AARS2: variants seen among roughly 807,000 people sequenced by gnomAD.
AARS2 encodes the protein alanyl-tRNA synthetase 2, mitochondrial, also known as alanine--tRNA ligase, mitochondrial.
AARS2 carries 78 observed loss-of-function variants against 119.7 expected under a neutral mutation model. That is an observed-to-expected ratio of 0.65 (90% CI 0.54 to 0.79). The LOEUF is 0.79. AARS2 is among the 30% of genes least tolerant of loss of function. The pLI, the probability that AARS2 is intolerant of heterozygous loss-of-function variation, is 0.00. For synonymous variants in AARS2, 502 were observed against 526.3 expected (o/e 0.95, Z 0.63); for missense variants, 1,157 against 1,291.3 (o/e 0.90, Z 1.59).
Position 44,303,280 on chromosome 6 carries a change from ACT to A in AARS2, c.2145+4_2145+5del. ...GATCTCCAGCAAAAGGGCTTCCCCA[ACT>A]CACCTCATCCAGAGAGCGCAGGCCA... On this transcript the variant is annotated splice_donor_5th_base_variant and intron_variant, in intron 15 of 21. Coordinates refer to ENST00000244571, the MANE Select transcript of AARS2 (RefSeq NM_020745.4). 6.2e-7 allele frequency: 1 copy of A among 1,614,112 alleles called. No individual in the cohort carries two copies. The highest frequency in any genetic ancestry group is 1.3e-5 in the African/African-American group (1 of 75,048).
In AARS2 at chr6:44,303,334, C is replaced by A. The variant is rs779714788; in HGVS notation, c.2097G>T (p.Val699=). ...GQDEAVYMEE[V]PLALTAQVPG... ...GGACCTGGGCAGTGAGCGCCAGGGG[C>A]ACCTCCTCCATGTACACAGCCTCAT... The change falls in exon 15 of 22, where the codon GTG becomes GTT. Residue 699 remains valine (V), a synonymous_variant. Transcript: ENST00000244571. The A allele has an allele frequency of 2.3e-5, 37 of 1,613,930 alleles. No individual in the cohort carries two copies. The highest frequency in any genetic ancestry group is 3.0e-5 in the Non-Finnish European group (35 of 1,180,034).
intron 1 of AARS2, 72 bp downstream of exon 1, chr6:44,313,009 C>T (rs1416156056): frequency 7.5e-6 from 12 of 1,598,462 alleles, no homozygotes; most frequent in Non-Finnish European, 1.0e-5. Flanking sequence ...CTTCTTTTGC[C>T]CAATCCTGCA....
chr6:44,307,460 C>T lies in AARS2; in HGVS notation c.895-66G>A, dbSNP rs1240175918. 5 of 1,538,416 alleles carry T rather than the reference C, an allele frequency of 3.3e-6. No homozygotes were observed. The Admixed American group carries it at 5.9e-5, about 18-fold the overall frequency. On this transcript the variant is annotated intron_variant, in intron 5 of 21. Transcript: ENST00000244571. The surrounding 1 kb of genome is among the most constrained non-coding windows in gnomAD (Gnocchi z 4.4). The stretch of plus-strand genomic sequence containing the variant: ...GGCCCAGGTGGGTGCTCTTTATCGC[C>T]TCTAGAGCATCTGCCCTCAGCCCTA...
intron 5 of AARS2, among the ~76,000 whole-genome samples, chr6:44,308,698 C>G (rs1355448581): frequency 2.0e-5 from 3 of 152,086 alleles, no homozygotes; most frequent in Non-Finnish European, 4.4e-5. Context: ...CTCCTGGGTT[C>G]AAGAGATTCT....
chr6:44,304,934 A>G, intron 11 of AARS2, 117 bp from the exon 12 acceptor site: 7 of 1,605,452 alleles, frequency 4.4e-6, no homozygotes, highest in Non-Finnish European at 6.0e-6. Context: ...GCTGGGGGCC[A>G]CAGAGACCCC....
Position 44,299,165 on chromosome 6 carries a change from T to G in AARS2, c.*1382A>C, listed in dbSNP as rs570508703. ...CTCACCTCCCAGCTCCCTGCTCACA[T>G]GTCACCTCTTGGTGAGGGAATATCA... On this transcript the variant is annotated 3_prime_UTR_variant, in exon 22 of 22. Transcript: ENST00000244571. 3.3e-5 allele frequency among the ~76,000 whole-genome samples: 5 copies of G among 152,248 alleles called. No homozygotes were observed. In the South Asian group the frequency reaches 1.0e-3, roughly 32 times the overall value.
At position 44,312,236 on chromosome 6, in the gene AARS2, C is replaced by T. The variant is rs1481336488; in HGVS notation, c.271G>A (p.Asp91Asn). 1.2e-6 allele frequency: 2 copies of T among 1,613,788 alleles called. No homozygotes were observed. The highest frequency in any genetic ancestry group is 1.3e-5 in the African/African-American group (1 of 74,928). Residue 91 changes from aspartate (D) to asparagine (N), a missense_variant, in exon 2 of 22, where the codon GAT (aspartate) becomes AAT (asparagine). Physicochemically the swap from Asp to Asn is conservative, Grantham distance 23. Coordinates refer to ENST00000244571, the MANE Select transcript of AARS2 (RefSeq NM_020745.4). ...AAGCCTGCCATCTCGCTTCGTGGAT[C>T]CACGGTGCCCAGAAAGATTGGCTTG... ...QFKPIFLGTV[D>N]PRSEMAGFRR... is the part of the protein sequence containing the mutation.
chr6:44,311,972 C>T lies in AARS2; in HGVS notation c.435+100G>A, dbSNP rs1786397649. 20 of 1,436,166 alleles carry T rather than the reference C, an allele frequency of 1.4e-5. No homozygotes were observed. In the South Asian group the frequency reaches 2.3e-4, roughly 17 times the overall value. The allele number at this position is 1,436,166 out of a possible 1,614,324, so 89.0% of individuals were successfully genotyped here. On this transcript the variant is annotated intron_variant, in intron 2 of 21. Transcript: ENST00000244571. ...TTACACCGGCTCAACTAGCACTTTGCCTCCACATCTGGTATGAGGCCCTGC... is the reference window on the plus strand; with the variant it reads ...TTACACCGGCTCAACTAGCACTTTGTCTCCACATCTGGTATGAGGCCCTGC...
chr6:44,311,627 C>A (rs36117074), intron 2 of AARS2, 92 bp from the exon 3 acceptor site: 1 of 1,457,058 alleles, frequency 6.9e-7, no homozygotes. Flanking sequence ...TAGCTCCCGA[C>A]TTAAGACAAA....
intron 18 of AARS2, 49 bp from the exon 19 acceptor site, chr6:44,302,219 C>G: frequency 6.2e-7 from 1 of 1,612,252 alleles, no homozygotes; most frequent in South Asian, 1.1e-5. Context: ...GAGCCATAGT[C>G]TCTGAGGTAG....
At position 44,303,079 on chromosome 6, in the gene AARS2, G is replaced by A; in HGVS notation, c.2242C>T (p.Leu748=). 1 of 1,614,106 alleles carries A rather than the reference G, an allele frequency of 6.2e-7. No homozygotes were observed. The highest frequency in any genetic ancestry group is 1.3e-5 in the African/African-American group (1 of 75,062). The change falls in exon 16 of 22, where the codon CTA becomes TTA. Residue 748 remains leucine, a synonymous_variant. Transcript: ENST00000244571. ...GGAGTGACTCACGTCCCACAGCATA[G>A]CTCCACAGAGGTCTGCAGTGCGGCT... ...SQAALQTSVE[L]CCGTHLLRTG...
Position 44,307,683 on chromosome 6 carries a change from C to T in AARS2, c.895-289G>A, listed in dbSNP as rs897757993. Reference sequence around the variant, plus strand: ...ACATGGCCTCGAATCCCCAAAACAGCCCATTCCAGGAGGTATTAGCATGCT... The same window carrying T: ...ACATGGCCTCGAATCCCCAAAACAGTCCATTCCAGGAGGTATTAGCATGCT... On this transcript the variant is annotated intron_variant, in intron 5 of 21. Transcript: ENST00000244571. The surrounding 1 kb of genome is among the most constrained non-coding windows in gnomAD (Gnocchi z 4.4). The T allele has an allele frequency of 1.4e-5, 7 of 509,632 alleles. No homozygotes were observed. In the East Asian group the frequency reaches 1.4e-4, roughly 10 times the overall value. 31.6% of individuals were successfully genotyped at this position (509,632 alleles called of 1,614,324 possible). A position where few individuals can be genotyped will look rare whatever the true frequency, so the allele number is the denominator to read the frequency against.
intron 4 of AARS2, 116 bp from the exon 5 acceptor site, chr6:44,310,559 C>T: frequency 7.3e-7 from 1 of 1,368,316 alleles, no homozygotes; most frequent in South Asian, 1.2e-5. Flanking sequence ...GTGGGAGGAA[C>T]CAGACAATCA....
At chr6:44,311,321 G>A (rs774594493) in intron 3 of AARS2, 69 bp downstream of exon 3, 2 of 1,610,014 alleles carry the variant, frequency 1.2e-6, no homozygotes, top group Non-Finnish European at 1.7e-6. Context: ...CTGAGGATTG[G>A]TGCTGGTAGT....
At chr6:44,311,240 C>T in intron 3 of AARS2, 79 bp from the exon 4 acceptor site, 1 of 1,604,122 alleles carries the variant, frequency 6.2e-7, no homozygotes, top group South Asian at 1.1e-5. Context: ...GAGCCCCTCC[C>T]TCAAGTCACA....
intron 21 of AARS2, chr6:44,300,921 C>A (rs1345650041): frequency 1.3e-6 from 1 of 742,274 alleles, no homozygotes; most frequent in Non-Finnish European, 2.3e-6. Flanking sequence ...TACTTGTTTA[C>A]AAGGGATGTG....
At chr6:44,303,246 G>A in intron 15 of AARS2, 40 bp downstream of exon 15, 1 of 1,614,072 alleles carries the variant, frequency 6.2e-7, no homozygotes, top group Non-Finnish European at 8.5e-7. Context: ...ATGCCTGAAG[G>A]AGGCCCCCGA....
chr6:44,302,897 T>C lies in AARS2; in HGVS notation c.2269A>G (p.Thr757Ala), dbSNP rs1785479390. ...ATAACCAGGTCCCCTACAGCCCCAGTACGTAACAGGTGCCTGTGGGAGGAA... is the reference window on the plus strand; with the variant it reads ...ATAACCAGGTCCCCTACAGCCCCAGCACGTAACAGGTGCCTGTGGGAGGAA... Reference protein sequence around the residue: ...ELCCGTHLLRTGAVGDLVIIG... With the variant: ...ELCCGTHLLRAGAVGDLVIIG... The change falls in exon 17 of 22, where the codon ACT becomes GCT. Residue 757 changes from threonine (T) to alanine (A), a missense_variant. Thr to Ala is a moderately conservative substitution (Grantham distance 58). Coordinates refer to ENST00000244571, the MANE Select transcript of AARS2 (RefSeq NM_020745.4). 3 of 1,613,954 alleles carry C rather than the reference T, an allele frequency of 1.9e-6. No homozygotes were observed. In the South Asian group the frequency reaches 3.3e-5, roughly 18 times the overall value.
At chr6:44,312,313 TAGAA>T in intron 1 of AARS2, 50 bp from the exon 2 acceptor site, 10 of 1,572,246 alleles carry the variant, frequency 6.4e-6, no homozygotes, top group Non-Finnish European at 8.7e-6. Flanking sequence ...AATTTCTCAG[TAGAA>T]GGGAAATGTG....
Sources: allele counts gnomAD v4.1 joint callset (sites outside exome capture counted in the v4.1 genomes callset), GRCh38; gene constraint gnomAD v4.1.1; non-coding constraint Gnocchi (gnomAD v3.1); transcripts MANE v1.5; gene names NCBI Gene and HGNC (gene_info 2026-07-23, HGNC 2026-07-21).